MTCL1: variants seen among roughly 807,000 people sequenced by gnomAD.
The protein encoded by MTCL1 is microtubule crosslinking factor 1, also known as microtubule cross-linking factor 1.
In MTCL1, 79 loss-of-function variants were observed where a neutral mutation model predicts 141.4. The observed-to-expected ratio is 0.56, with a 90% CI of 0.47 to 0.67. MTCL1 has a LOEUF of 0.67. MTCL1 is among the 30% of genes least tolerant of loss of function. The pLI, the probability that MTCL1 is intolerant of heterozygous loss-of-function variation, is 0.00. For synonymous variants in MTCL1, 914 were observed against 875.8 expected (o/e 1.04, Z -0.77); for missense variants, 2,177 against 2,113.9 (o/e 1.03, Z -0.59).
intron 4 of MTCL1, among the ~76,000 whole-genome samples, chr18:8,773,875 T>C (rs2096494611): frequency 6.6e-6 from 1 of 152,224 alleles, no homozygotes; most frequent in African/African-American, 2.4e-5. Context: ...TTCATTAATC[T>C]GTCTATCTTA....
At chr18:8,788,808 C>T (rs1476387185) in intron 7 of MTCL1, among the ~76,000 whole-genome samples, 3 of 152,182 alleles carry the variant, frequency 2.0e-5, no homozygotes, top group South Asian at 2.1e-4. Context: ...CCCACTGACA[C>T]ATCAATGCAA....
At chr18:8,712,522 GCCT>G (rs769497683), upstream of MTCL1, among the ~76,000 whole-genome samples, 10 of 152,282 alleles carry the variant, frequency 6.6e-5, no homozygotes, top group South Asian at 2.1e-3. Context: ...CTTGCTCCCC[GCCT>G]CCTCCTCCTT....
intron 16 of MTCL1, chr18:8,829,039 T>C: frequency 6.2e-7 from 1 of 1,611,260 alleles, no homozygotes; most frequent in African/African-American, 1.3e-5. Context: ...CACCTGACGC[T>C]CATCACCTGA....
At chr18:8,804,568 A>G (rs1290150025) in intron 10 of MTCL1, among the ~76,000 whole-genome samples, 1 of 152,226 alleles carries the variant, frequency 6.6e-6, no homozygotes, top group African/African-American at 2.4e-5. Context: ...ATGGTTCCCT[A>G]TCTGCCGAGT....
At chr18:8,727,566 G>A (rs913603446) in intron 4 of MTCL1, among the ~76,000 whole-genome samples, 2 of 152,088 alleles carry the variant, frequency 1.3e-5, no homozygotes, top group African/African-American at 4.8e-5. Context: ...ATTTCTTCAT[G>A]TTTCTTGACC....
chr18:8,773,760 C>G (rs1041140720), intron 4 of MTCL1, among the ~76,000 whole-genome samples: 3 of 152,102 alleles, frequency 2.0e-5, no homozygotes, highest in African/African-American at 7.2e-5. Context: ...AGTTGTTTCA[C>G]CAACACATAC....
At chr18:8,739,092 A>C (rs2096288227) in intron 4 of MTCL1, among the ~76,000 whole-genome samples, 1 of 152,128 alleles carries the variant, frequency 6.6e-6, no homozygotes, top group African/African-American at 2.4e-5. Context: ...TAAAATTAAA[A>C]AAATTAGCCA....
chr18:8,825,609 A>C, exon 15 of MTCL1: 1 of 1,613,780 alleles, frequency 6.2e-7, no homozygotes, highest in Non-Finnish European at 8.5e-7. Flanking sequence ...GAGCCTTAGG[A>C]GCAGACAGGT....
At chr18:8,746,209 T>C (rs898842250) in intron 4 of MTCL1, among the ~76,000 whole-genome samples, 5 of 152,224 alleles carry the variant, frequency 3.3e-5, no homozygotes, top group African/African-American at 1.2e-4. Context: ...AGCATACAAA[T>C]GTCTGTTCAA....
intron 7 of MTCL1, chr18:8,786,419 A>G: frequency 1.8e-6 from 1 of 541,722 alleles, no homozygotes; most frequent in Admixed American, 2.2e-5. Flanking sequence ...TCGCAGAGAA[A>G]GAAGGGATGA....
exon 17 of MTCL1, chr18:8,831,996 G>A (rs1490996603): frequency 2.9e-6 from 2 of 681,768 alleles, no homozygotes; most frequent in Non-Finnish European, 2.4e-6. Context: ...AAATGTGCCT[G>A]TAATAACTTA....
chr18:8,804,485 G>A (rs112445806), intron 10 of MTCL1, among the ~76,000 whole-genome samples: 34 of 152,204 alleles, frequency 2.2e-4, no homozygotes, highest in African/African-American at 7.2e-4. Context: ...CACATATATG[G>A]TGAGCATGTC....
chr18:8,783,263 T>A (rs548528764), intron 5 of MTCL1, among the ~76,000 whole-genome samples: 1 of 151,860 alleles, frequency 6.6e-6, no homozygotes, highest in African/African-American at 2.4e-5. Flanking sequence ...CGTGCACTTT[T>A]TTTTTTCCAA....
chr18:8,708,399 T>C (rs2096069180), intron 1 of MTCL1, among the ~76,000 whole-genome samples: 1 of 151,986 alleles, frequency 6.6e-6, no homozygotes, highest in Non-Finnish European at 1.5e-5. Flanking sequence ...GCCTGGAGTC[T>C]GATACAGTGT....
rs200406499 is a variant in MTCL1 at position 8,778,636 on chromosome 18, T to C, written c.417+744T>C. Among the ~76,000 whole-genome samples, 4 of 152,212 alleles carry C rather than the reference T, an allele frequency of 2.6e-5. No individual in the cohort carries two copies. The East Asian group carries it at 7.7e-4, about 29-fold the overall frequency. On this transcript the variant is annotated intron_variant, in intron 5 of 16. Transcript: ENST00000359865. ...GGGTTTCTCCATTCTCCAAACTCAC[T>C]GATCCCCAGGGCATCATTCAAGGGG... is the stretch of plus-strand genomic sequence containing the variant.
intron 4 of MTCL1, among the ~76,000 whole-genome samples, chr18:8,766,596 T>A (rs770909812): frequency 1.3e-5 from 2 of 152,252 alleles, no homozygotes; most frequent in Non-Finnish European, 2.9e-5. Context: ...TTGAGGGTGT[T>A]AACTTTCTTA....
chr18:8,799,163 G>T lies in MTCL1; in HGVS notation c.2436+872G>T, dbSNP rs567086918. Reference sequence around the variant, plus strand: ...GCCTCTCAGCCACAGACACTCTGGGGCACTCCCTCTGCACTGGACGCCACA... The same window carrying T: ...GCCTCTCAGCCACAGACACTCTGGGTCACTCCCTCTGCACTGGACGCCACA... On this transcript the variant is annotated intron_variant, in intron 10 of 16. Transcript: ENST00000359865. Among the ~76,000 whole-genome samples, 5 of 152,320 alleles carry T rather than the reference G, an allele frequency of 3.3e-5. No homozygotes were observed. The South Asian group carries it at 1.0e-3, about 32-fold the overall frequency.
At chr18:8,795,921 G>A (rs917678933) in intron 8 of MTCL1, among the ~76,000 whole-genome samples, 2 of 152,174 alleles carry the variant, frequency 1.3e-5, no homozygotes, top group Non-Finnish European at 2.9e-5. Flanking sequence ...GTGGTAAGCC[G>A]CACTTCCAAG....
At position 8,804,912 on chromosome 18, in the gene MTCL1, G is replaced by A. The variant is rs866553805; in HGVS notation, c.2437-1981G>A. 3.8e-4 allele frequency among the ~76,000 whole-genome samples: 58 copies of A among 151,086 alleles called. 3 individuals are homozygous for A. Among genetic ancestry groups the A allele is most frequent in the Middle Eastern group, 3.4e-3 (1 of 292 alleles). On this transcript the variant is annotated intron_variant, in intron 10 of 16. Transcript: ENST00000359865. ...AGTGTGAGGTGGGAGGACTGCTTGA[G>A]CCCAGGAGGTTGAGGCTGCAGTGAG... is the stretch of plus-strand genomic sequence containing the variant.
Sources: gnomAD v4.1 joint callset for allele counts (sites outside exome capture counted in the v4.1 genomes callset) on GRCh38, gnomAD v4.1.1 for gene constraint, MANE v1.5 for transcripts, NCBI Gene and HGNC (gene_info 2026-07-23, HGNC 2026-07-21) for gene names.